The following ATP8A2 variants were observed in gnomAD, a reference collection of about 807,000 sequenced individuals.
ATP8A2 encodes the protein phospholipid-transporting ATPase IB.
ATP8A2 carries 100 observed loss-of-function variants against 165.6 expected under a neutral mutation model. The observed-to-expected ratio is 0.60, with a 90% CI of 0.51 to 0.71. The LOEUF is 0.71. Among genes scored for constraint, ATP8A2 ranks in the 30% least tolerant of loss-of-function variants. ATP8A2 has a pLI of 0.00. For missense variants in ATP8A2, 1,227 were observed against 1,479.5 expected (o/e 0.83, Z 2.80); for synonymous variants, 543 against 548.8 (o/e 0.99, Z 0.15).
At chr13:25,518,804 T>TC (rs939246913) in intron 2 of ATP8A2, among the ~76,000 whole-genome samples, 39 of 152,338 alleles carry the variant, frequency 2.6e-4, no homozygotes, top group African/African-American at 9.4e-4. Flanking sequence ...ATGGATTGTT[T>TC]CTGTATGTGC....
At chr13:25,994,778 C>A (rs1956463604) in intron 35 of ATP8A2, among the ~76,000 whole-genome samples, 1 of 152,000 alleles carries the variant, frequency 6.6e-6, no homozygotes, top group Non-Finnish European at 1.5e-5. Flanking sequence ...ATTGCACTTA[C>A]TAATGTCAGG....
intron 24 of ATP8A2, among the ~76,000 whole-genome samples, chr13:25,603,489 A>T (rs557152674): frequency 7.5e-4 from 94 of 125,918 alleles, no homozygotes; most frequent in African/African-American, 1.4e-3. Flanking sequence ...AAAAAAAAAA[A>T]TTTTAAAAAG....
intron 35 of ATP8A2, among the ~76,000 whole-genome samples, chr13:25,976,749 TA>T (rs1414043313): frequency 6.6e-6 from 1 of 151,828 alleles, no homozygotes; most frequent in Non-Finnish European, 1.5e-5. Context: ...TCAGAGCAAA[TA>T]AAGGGAAAAG....
intron 1 of ATP8A2, among the ~76,000 whole-genome samples, chr13:25,404,678 C>T (rs775656349): frequency 1.8e-4 from 27 of 152,040 alleles, no homozygotes; most frequent in Non-Finnish European, 3.2e-4. Flanking sequence ...GTGCAGAACG[C>T]GGGAGGAAGA....
intron 1 of ATP8A2, among the ~76,000 whole-genome samples, chr13:25,461,852 A>AAGG (rs1555274204): frequency 0.24 from 35,294 of 147,542 alleles, 4,355 homozygotes; most frequent in South Asian, 0.29. Flanking sequence ...GGAGAAGAAG[A>AAGG]AGGAGGAGGA....
At chr13:25,934,014 G>T (rs1012328109) in intron 33 of ATP8A2, among the ~76,000 whole-genome samples, 1 of 152,200 alleles carries the variant, frequency 6.6e-6, no homozygotes, top group Non-Finnish European at 1.5e-5. Context: ...TATGCTTGTA[G>T]CTAACCAGCT....
At chr13:25,753,154 G>A (rs1340290131) in intron 25 of ATP8A2, among the ~76,000 whole-genome samples, 1 of 152,178 alleles carries the variant, frequency 6.6e-6, no homozygotes, top group Non-Finnish European at 1.5e-5. Context: ...CTGCTGATCA[G>A]AGAAAGGGTA....
chr13:25,750,327 C>A lies in ATP8A2; in HGVS notation c.2385-18719C>A, dbSNP rs919417467. ...ATAGTACACATCTGTGTGTAGTTAC[C>A]AAAGCCAGGAACACGGGCCCTAACT... On this transcript the variant is annotated intron_variant, in intron 25 of 36. Coordinates refer to ENST00000381655, the MANE Select transcript of ATP8A2 (RefSeq NM_016529.6). The surrounding 1 kb of genome is among the most constrained non-coding windows in gnomAD (Gnocchi z 4.3). Among the ~76,000 whole-genome samples, 1 of 152,120 alleles carries A rather than the reference C, an allele frequency of 6.6e-6. No homozygotes were observed. The highest frequency in any genetic ancestry group is 2.4e-5 in the African/African-American group (1 of 41,428).
At chr13:25,682,581 C>G (rs138138983) in intron 24 of ATP8A2, among the ~76,000 whole-genome samples, 1 of 152,160 alleles carries the variant, frequency 6.6e-6, no homozygotes, top group South Asian at 2.1e-4. Context: ...CTTCTCTGCT[C>G]GCTTTCTCCA....
chr13:25,594,460 G>A (rs1315943251), intron 24 of ATP8A2, among the ~76,000 whole-genome samples: 1 of 152,124 alleles, frequency 6.6e-6, no homozygotes, highest in Non-Finnish European at 1.5e-5. Flanking sequence ...TTAGTGAACA[G>A]GTGGTATTTG....
chr13:25,919,061 A>G (rs1954358218), intron 33 of ATP8A2, among the ~76,000 whole-genome samples: 1 of 152,218 alleles, frequency 6.6e-6, no homozygotes, highest in South Asian at 2.1e-4. Context: ...CTCTTTTTTA[A>G]ACCTGAACTA....
chr13:25,508,077 T>G (rs2037107466), intron 2 of ATP8A2, among the ~76,000 whole-genome samples: 1 of 151,492 alleles, frequency 6.6e-6, no homozygotes, highest in South Asian at 2.1e-4. Context: ...AAGACAGTAC[T>G]GTAAAAAAAA....
intron 2 of ATP8A2, among the ~76,000 whole-genome samples, chr13:25,515,100 G>T (rs1232903698): frequency 1.3e-5 from 2 of 152,200 alleles, no homozygotes; most frequent in African/African-American, 4.8e-5. Flanking sequence ...CCTCTGCCAA[G>T]TAAGAGGGAG....
At chr13:25,464,184 T>G (rs1433891504) in intron 1 of ATP8A2, among the ~76,000 whole-genome samples, 1 of 152,170 alleles carries the variant, frequency 6.6e-6, no homozygotes, top group Non-Finnish European at 1.5e-5. Context: ...CTGTGCTAGA[T>G]TATCTAAAAT....
At chr13:25,570,339 G>A (rs1434450347) in intron 16 of ATP8A2, among the ~76,000 whole-genome samples, 2 of 152,154 alleles carry the variant, frequency 1.3e-5, no homozygotes, top group Non-Finnish European at 2.9e-5. Flanking sequence ...GCAGCACGTG[G>A]GTGAAGCAGA....
intron 24 of ATP8A2, among the ~76,000 whole-genome samples, chr13:25,674,273 C>T (rs1268836298): frequency 5.9e-5 from 9 of 152,154 alleles, no homozygotes; most frequent in East Asian, 3.9e-4. Context: ...TGTCCCCCCC[C>T]GAAAACTAAA....
chr13:25,406,460 A>G (rs752270575), intron 1 of ATP8A2, among the ~76,000 whole-genome samples: 38 of 152,370 alleles, frequency 2.5e-4, no homozygotes, highest in Non-Finnish European at 4.8e-4. Context: ...AAAAGCCAAC[A>G]TGGTAGGTTA....
chr13:25,716,189 A>C (rs2043251185), intron 25 of ATP8A2, among the ~76,000 whole-genome samples: 1 of 152,152 alleles, frequency 6.6e-6, no homozygotes. Context: ...GTCTTTTATC[A>C]CTGAGTTGTA....
chr13:25,768,671 G>A (rs2044547644), intron 25 of ATP8A2, among the ~76,000 whole-genome samples: 1 of 152,140 alleles, frequency 6.6e-6, no homozygotes, highest in Non-Finnish European at 1.5e-5. Context: ...GCAAAAGGAG[G>A]TCTGTGCTGG....
Sources: gnomAD v4.1 joint callset for allele counts (sites outside exome capture counted in the v4.1 genomes callset) on GRCh38, gnomAD v4.1.1 for gene constraint, Gnocchi (gnomAD v3.1) non-coding constraint, MANE v1.5 for transcripts, NCBI Gene and HGNC (gene_info 2026-07-23, HGNC 2026-07-21) for gene names.